AFF2: variants seen among roughly 807,000 people sequenced by gnomAD.
AFF2 encodes the protein ALF transcription elongation factor 2, also known as AF4/FMR2 family member 2.
A neutral mutation model predicts 76.9 loss-of-function variants in AFF2; 14 were observed. The observed-to-expected ratio is 0.18, with a 90% CI of 0.12 to 0.28. The LOEUF (loss-of-function observed/expected upper bound fraction) is 0.28. AFF2 is among the 10% of genes least tolerant of loss of function. The pLI is 1.00. For missense variants in AFF2, 868 were observed against 1,001.1 expected, an observed-to-expected ratio of 0.87 and a Z score of 1.79; for synonymous variants, 398 against 366.7, an observed-to-expected ratio of 1.09 and a Z score of -0.98.
chrX:148,518,168 TG>T (rs1192409598), intron 1 of AFF2, among the ~76,000 whole-genome samples: 1 of 111,936 alleles, frequency 8.9e-6, no homozygotes. Context: ...CATCTTGACT[TG>T]GGGGGAAAGG....
At chrX:148,519,408 C>T (rs782604620) in intron 1 of AFF2, among the ~76,000 whole-genome samples, 1 of 112,527 alleles carries the variant, frequency 8.9e-6, no homozygotes, top group Admixed American at 9.4e-5. Flanking sequence ...ACACATTCTT[C>T]GTGAAATCAC....
At chrX:148,802,241 G>A (rs1219115853) in intron 3 of AFF2, among the ~76,000 whole-genome samples, 4 of 112,122 alleles carry the variant, frequency 3.6e-5, no homozygotes, top group Non-Finnish European at 3.8e-5. Context: ...GTGAAAGATC[G>A]CATAACCCGG....
rs1228858161 is a variant in AFF2, at chrX:148,910,683, G to A, written c.1397+6425G>A. ...AGGAGCCCAGGATGCCTGATGGGGTGCAGGCAGTGAAATACCAGGTTGGAA... is the reference window on the plus strand; with the variant it reads ...AGGAGCCCAGGATGCCTGATGGGGTACAGGCAGTGAAATACCAGGTTGGAA... On this transcript the variant is annotated intron_variant, in intron 9 of 20. Coordinates refer to ENST00000370460, the MANE Select transcript of AFF2 (RefSeq NM_002025.4). Among the ~76,000 whole-genome samples, 3 of 112,196 alleles carry A rather than the reference G, an allele frequency of 2.7e-5. No individual in the cohort carries two copies. The South Asian group carries it at 1.1e-3, about 42-fold the overall frequency.
chrX:148,904,033 A>G (rs781783889), intron 8 of AFF2, among the ~76,000 whole-genome samples, 188 bp from the exon 9 acceptor site: 11 of 111,891 alleles, frequency 9.8e-5, no homozygotes, highest in South Asian at 3.8e-4. Flanking sequence ...GCACTTGGAC[A>G]GGTAACCATG....
chrX:148,544,057 G>T, intron 1 of AFF2, among the ~76,000 whole-genome samples: 1 of 112,135 alleles, frequency 8.9e-6, no homozygotes, highest in East Asian at 2.8e-4. Flanking sequence ...TTGCCACAAT[G>T]TGAGGTGAGG....
At chrX:148,942,600 A>G (rs1329918348) in intron 9 of AFF2, among the ~76,000 whole-genome samples, 2 of 110,854 alleles carry the variant, frequency 1.8e-5, no homozygotes, top group African/African-American at 6.6e-5. Flanking sequence ...GTGAATCACG[A>G]GGTCAGGAGT....
chrX:148,698,797 G>GTTTT (rs142604433), intron 3 of AFF2, among the ~76,000 whole-genome samples: 3 of 71,697 alleles, frequency 4.2e-5, no homozygotes, highest in African/African-American at 5.0e-5. Context: ...GAGTTCTAGT[G>GTTTT]TTTTTTTTTT....
At chrX:148,604,632 C>A (rs2053657289) in intron 1 of AFF2, among the ~76,000 whole-genome samples, 1 of 112,203 alleles carries the variant, frequency 8.9e-6, no homozygotes, top group Non-Finnish European at 1.9e-5. Context: ...ATATAAAAAT[C>A]TATGAGATGC....
At chrX:148,933,807 A>G (rs1181404403) in intron 9 of AFF2, among the ~76,000 whole-genome samples, 4 of 112,190 alleles carry the variant, frequency 3.6e-5, no homozygotes, top group African/African-American at 9.7e-5. Flanking sequence ...TTCAATAAAC[A>G]GAGTGGGAGA....
chrX:148,916,205 T>A, intron 9 of AFF2, among the ~76,000 whole-genome samples: 1 of 75,998 alleles, frequency 1.3e-5, no homozygotes, highest in Non-Finnish European at 2.5e-5. Flanking sequence ...ACTTTTTTTT[T>A]TTTTTTTTTT....
intron 1 of AFF2, among the ~76,000 whole-genome samples, chrX:148,509,119 T>G (rs1468780190): frequency 8.9e-6 from 1 of 111,782 alleles, no homozygotes; most frequent in Non-Finnish European, 1.9e-5. Context: ...CCGTAGAAGA[T>G]GACCTCTGGC....
intron 1 of AFF2, among the ~76,000 whole-genome samples, chrX:148,596,557 A>T (rs2053574027): frequency 8.9e-6 from 1 of 112,233 alleles, no homozygotes; most frequent in South Asian, 3.7e-4. Context: ...CTCCTCTGAC[A>T]GTAGGAATCA....
chrX:148,809,062 G>C (rs1172293222), intron 3 of AFF2, among the ~76,000 whole-genome samples: 1 of 111,453 alleles, frequency 9.0e-6, no homozygotes, highest in East Asian at 2.8e-4. Flanking sequence ...ATCCTGGAGA[G>C]GGTGAAGGTG....
chrX:148,995,492 G>T lies in AFF2; in HGVS notation c.*4160G>T, dbSNP rs2124445894. On this transcript the variant is annotated 3_prime_UTR_variant, in exon 21 of 21. Transcript: ENST00000370460. The stretch of plus-strand genomic sequence containing the variant: ...CAGAAAGGGGGTGGGGGTGGGGGCG[G>T]GGGGGTGGGGGGTGGGGAAGCCCCA... The T allele has an allele frequency of 1.0e-5, 1 of 97,889 alleles. No individual in the cohort carries two copies. Among genetic ancestry groups the T allele is most frequent in the African/African-American group, 3.7e-5 (1 of 26,791 alleles). 8.1% of individuals were successfully genotyped at this position (97,889 alleles called of 1,213,427 possible).
rs184362954 is a variant in AFF2, at chrX:148,908,405, T to C, written c.1397+4147T>C. ...AGTATTAATTTGGGGAACAAATAAA[T>C]GTCCATGAAATCTTCACAATTTATG... On this transcript the variant is annotated intron_variant, in intron 9 of 20. Transcript: ENST00000370460. 1.0e-2 allele frequency among the ~76,000 whole-genome samples: 1,120 copies of C among 112,220 alleles called. 14 individuals are homozygous for C. Among genetic ancestry groups the C allele is most frequent in the African/African-American group, 0.034 (1,046 of 30,887 alleles).
rs782492822 is a variant in AFF2, at chrX:148,999,576, G to A, written c.*8244G>A. On this transcript the variant is annotated 3_prime_UTR_variant, in exon 21 of 21. Transcript: ENST00000370460. Reference sequence around the variant, plus strand: ...CATAACTGCACAAAGAGTACACATCGTCAGTGTGTGTGTGTGTGTGTGTGT... The same window carrying A: ...CATAACTGCACAAAGAGTACACATCATCAGTGTGTGTGTGTGTGTGTGTGT... 59 of 109,186 alleles carry A rather than the reference G, an allele frequency of 5.4e-4. No homozygotes were observed. Among genetic ancestry groups the A allele is most frequent in the African/African-American group, 1.9e-3 (55 of 29,307 alleles). 9.0% of individuals were successfully genotyped at this position (109,186 alleles called of 1,213,427 possible).
chrX:148,871,358 C>A (rs2070973376), intron 7 of AFF2, among the ~76,000 whole-genome samples: 1 of 111,141 alleles, frequency 9.0e-6, no homozygotes, highest in South Asian at 3.9e-4. Context: ...AAGGACCCGG[C>A]CTTGCGTAGA....
intron 16 of AFF2, among the ~76,000 whole-genome samples, chrX:148,977,614 GACACACACACACACACACAC>G (rs140911348): frequency 1.3e-4 from 12 of 92,725 alleles, no homozygotes; most frequent in Non-Finnish European, 2.1e-4. Context: ...CCAGCATTTA[GACACACACACACACACACAC>G]ACACACACAC....
In AFF2 at chrX:148,992,857, A is replaced by G. The variant is rs2072548573; in HGVS notation, c.*1525A>G. 1 of 112,974 alleles carries G rather than the reference A, an allele frequency of 8.9e-6. No homozygotes were observed. The highest frequency in any genetic ancestry group is 3.2e-5 in the African/African-American group (1 of 31,030). 9.3% of individuals were successfully genotyped at this position (112,974 alleles called of 1,213,427 possible). On this transcript the variant is annotated 3_prime_UTR_variant, in exon 21 of 21. Transcript: ENST00000370460. Reference sequence around the variant, plus strand: ...CACTATCCATGCATTACTTACTGGTAATTACCTGCTGGTATATAATTCCAT... The same window carrying G: ...CACTATCCATGCATTACTTACTGGTGATTACCTGCTGGTATATAATTCCAT...
Sources: gnomAD v4.1 joint callset for allele counts (sites outside exome capture counted in the v4.1 genomes callset) on GRCh38, gnomAD v4.1.1 for gene constraint, MANE v1.5 for transcripts, NCBI Gene and HGNC (gene_info 2026-07-23, HGNC 2026-07-21) for gene names.